DUS2: variants seen among roughly 807,000 people sequenced by gnomAD.
DUS2 encodes the protein dihydrouridine synthase 2, also known as tRNA-dihydrouridine(20) synthase [NAD(P)+]-like.
A neutral mutation model predicts 71.3 loss-of-function variants in DUS2; 52 were observed. That is an observed-to-expected ratio of 0.73 (90% CI 0.58 to 0.92). The LOEUF (loss-of-function observed/expected upper bound fraction) is 0.92, where lower values mean the gene tolerates loss of function less well. Among genes scored for constraint, DUS2 ranks in the 40% least tolerant of loss-of-function variants. The pLI is 0.00. For missense variants in DUS2, 558 were observed against 622.6 expected (o/e 0.90, Z 1.10); for synonymous variants, 204 against 227.8 (o/e 0.90, Z 0.94).
At chr16:68,043,772 C>T (rs2033664585) in intron 3 of DUS2, among the ~76,000 whole-genome samples, 1 of 152,168 alleles carries the variant, frequency 6.6e-6, no homozygotes, top group Admixed American at 6.5e-5. Flanking sequence ...TCAAGCAATT[C>T]TTCTGCCTTG....
chr16:68,071,120 T>G lies in DUS2; in HGVS notation c.810+12T>G. 1 of 1,613,016 alleles carries G rather than the reference T, an allele frequency of 6.2e-7. No individual in the cohort carries two copies. Among genetic ancestry groups the G allele is most frequent in the Non-Finnish European group, 8.5e-7 (1 of 1,178,962 alleles). Reference sequence around the variant, plus strand: ...AATACATCAGATACGTACGTCTCTGTACTTTTTCAAAACAAGCATTTCTCA... The same window carrying G: ...AATACATCAGATACGTACGTCTCTGGACTTTTTCAAAACAAGCATTTCTCA... On this transcript the variant is annotated intron_variant, in intron 12 of 16. Transcript: ENST00000565263.
At chr16:68,074,189 G>T (rs761747525) in intron 13 of DUS2, 34 bp downstream of exon 13, 4 of 1,612,718 alleles carry the variant, frequency 2.5e-6, no homozygotes, top group Non-Finnish European at 3.4e-6. Context: ...ATCTGTCCTT[G>T]TACGCATTGC....
At chr16:68,054,644 T>C (rs1377682674) in intron 6 of DUS2, 27 bp downstream of exon 6, 1 of 1,614,030 alleles carries the variant, frequency 6.2e-7, no homozygotes, top group South Asian at 1.1e-5. Context: ...TCTTTAGCAC[T>C]GCCTTTGCCT....
At chr16:68,033,525 C>A (rs914682311) in intron 2 of DUS2, among the ~76,000 whole-genome samples, 4 of 151,778 alleles carry the variant, frequency 2.6e-5, no homozygotes, top group African/African-American at 4.8e-5. Context: ...TGCTCTGTCA[C>A]CCAGGTTGGA....
At chr16:68,035,959 C>T (rs1464659436) in intron 2 of DUS2, among the ~76,000 whole-genome samples, 3 of 138,154 alleles carry the variant, frequency 2.2e-5, no homozygotes, top group Non-Finnish European at 4.6e-5. Context: ...TATATACACA[C>T]ATATGTTATA....
intron 8 of DUS2, among the ~76,000 whole-genome samples, chr16:68,065,234 A>G (rs576682901): frequency 1.3e-5 from 2 of 152,190 alleles, no homozygotes; most frequent in Admixed American, 1.3e-4. Context: ...TTCCTTTGCC[A>G]GTTTCACTCA....
chr16:68,060,959 C>T (rs2033931359), intron 7 of DUS2, 107 bp from the exon 8 acceptor site: 2 of 1,057,956 alleles, frequency 1.9e-6, no homozygotes, highest in African/African-American at 1.6e-5. Context: ...GGCCTTGGTC[C>T]CTTGGAAGTG....
At chr16:68,025,126 G>A (rs1308638601) in intron 1 of DUS2, among the ~76,000 whole-genome samples, 1 of 151,986 alleles carries the variant, frequency 6.6e-6, no homozygotes, top group Non-Finnish European at 1.5e-5. Flanking sequence ...CGCTGTGCCC[G>A]GCCCAATTCT....
At chr16:68,050,759 T>C (rs1331173694) in intron 4 of DUS2, among the ~76,000 whole-genome samples, 1 of 152,214 alleles carries the variant, frequency 6.6e-6, no homozygotes, top group Non-Finnish European at 1.5e-5. Flanking sequence ...CATTTACTTA[T>C]CTACTAGGTC....
rs1036783156 is a variant in DUS2 at position 68,023,351 on chromosome 16, G to A, written c.-99G>A. Reference sequence around the variant, plus strand: ...GTTCTTTTTAAGAGTTCAGCTGCGAGGTCTGTAGCTCCGAATAGGGGATGG... The same window carrying A: ...GTTCTTTTTAAGAGTTCAGCTGCGAAGTCTGTAGCTCCGAATAGGGGATGG... On this transcript the variant is annotated splice_region_variant and 5_prime_UTR_variant, in exon 1 of 17. Coordinates refer to ENST00000565263, the MANE Select transcript of DUS2 (RefSeq NM_017803.5). The A allele has an allele frequency of 3.1e-6, 3 of 968,878 alleles. No homozygotes were observed. Among genetic ancestry groups the A allele is most frequent in the Non-Finnish European group, 4.5e-6 (3 of 663,194 alleles). 60.0% of individuals were successfully genotyped at this position (968,878 alleles called of 1,614,324 possible). A position where few individuals can be genotyped will look rare whatever the true frequency, so the allele number is the denominator to read the frequency against.
chr16:68,023,352 G>T lies in DUS2; in HGVS notation c.-99+1G>T. The T allele has an allele frequency of 1.0e-6, 1 of 965,918 alleles. No individual in the cohort carries two copies. Among genetic ancestry groups the T allele is most frequent in the Non-Finnish European group, 1.5e-6 (1 of 660,506 alleles). The allele number at this position is 965,918 out of a possible 1,614,324, so 59.8% of individuals were successfully genotyped here. A position where few individuals can be genotyped will look rare whatever the true frequency, so the allele number is the denominator to read the frequency against. ...TTCTTTTTAAGAGTTCAGCTGCGAG[G>T]TCTGTAGCTCCGAATAGGGGATGGC... On this transcript the variant is annotated splice_donor_variant, in intron 1 of 16. Coordinates refer to ENST00000565263, the MANE Select transcript of DUS2 (RefSeq NM_017803.5). LOFTEE classifies it low-confidence loss of function (5UTR_SPLICE).
At chr16:68,054,318 C>T (rs969690321) in intron 5 of DUS2, among the ~76,000 whole-genome samples, 1 of 152,218 alleles carries the variant, frequency 6.6e-6, no homozygotes, top group African/African-American at 2.4e-5. Context: ...TGAATGGTCA[C>T]TATAAAATGT....
intron 15 of DUS2, chr16:68,077,561 G>A (rs1408745410): frequency 1.3e-5 from 2 of 151,772 alleles, no homozygotes; most frequent in Non-Finnish European, 2.9e-5. Context: ...TAACTTTTTT[G>A]TATTTTCAGT....
At chr16:68,046,940 C>T (rs532960496) in intron 3 of DUS2, among the ~76,000 whole-genome samples, 14 of 151,272 alleles carry the variant, frequency 9.3e-5, no homozygotes, top group African/African-American at 2.9e-4. Context: ...TTAGTAGAGA[C>T]GGGGTTTCAC....
chr16:68,030,370 G>T (rs1196938145), intron 2 of DUS2, among the ~76,000 whole-genome samples: 2 of 151,952 alleles, frequency 1.3e-5, no homozygotes, highest in Non-Finnish European at 2.9e-5. Context: ...GAGGCGGGTG[G>T]ATCACTTGAG....
At chr16:68,061,972 T>G (rs138347752) in intron 8 of DUS2, among the ~76,000 whole-genome samples, 61 of 151,878 alleles carry the variant, frequency 4.0e-4, no homozygotes, top group Non-Finnish European at 7.4e-4. Context: ...TTTTCCCATG[T>G]GCAGCCAGAG....
intron 2 of DUS2, among the ~76,000 whole-genome samples, chr16:68,030,652 T>A (rs1340334062): frequency 1.3e-5 from 2 of 152,200 alleles, no homozygotes; most frequent in African/African-American, 4.8e-5. Context: ...TTTCTTGAAT[T>A]ACCTGCTTTG....
At chr16:68,071,462 G>A (rs2034086177) in intron 12 of DUS2, among the ~76,000 whole-genome samples, 1 of 152,108 alleles carries the variant, frequency 6.6e-6, no homozygotes, top group African/African-American at 2.4e-5. Flanking sequence ...GTGGACTGTG[G>A]GTTCTGCATC....
chr16:68,028,670 T>C (rs2033393222), intron 2 of DUS2, among the ~76,000 whole-genome samples: 1 of 152,002 alleles, frequency 6.6e-6, no homozygotes, highest in Non-Finnish European at 1.5e-5. Flanking sequence ...AATAGAGTGT[T>C]GAAACCGTGA....
Sources: allele counts gnomAD v4.1 joint callset (sites outside exome capture counted in the v4.1 genomes callset), GRCh38; gene constraint gnomAD v4.1.1; transcripts MANE v1.5; gene names NCBI Gene and HGNC (gene_info 2026-07-23, HGNC 2026-07-21).